Variants in MAF observed in about 807,000 individuals in gnomAD.
MAF encodes transcription factor Maf.
In MAF, 10 loss-of-function variants were observed where a neutral mutation model predicts 22.0. That is an observed-to-expected ratio of 0.45 (90% CI 0.28 to 0.77). MAF has a LOEUF of 0.77. Ranked by LOEUF, MAF falls within the 30% of genes least tolerant of loss-of-function variation. MAF has a pLI of 0.12. For synonymous variants in MAF, 337 were observed against 255.8 expected (o/e 1.32, Z -3.03); for missense variants, 544 against 548.4 (o/e 0.99, Z 0.08).
the MAF span, among the ~76,000 whole-genome samples, chr16:79,553,657 G>A: frequency 2.0e-5 from 3 of 152,198 alleles, no homozygotes; most frequent in Non-Finnish European, 2.9e-5. Flanking sequence ...GAAAGCCCAG[G>A]GGAAGGCTGG....
At chr16:79,515,971 T>C in the MAF span, 2 of 150,392 alleles carry the variant, frequency 1.3e-5, no homozygotes, top group Admixed American at 6.6e-5. Context: ...TTTTTTTTTT[T>C]TTTTTGCAGT....
the MAF span, among the ~76,000 whole-genome samples, chr16:79,458,109 A>AGTGTGTGTGTGTGGGT: frequency 1.5e-5 from 2 of 136,328 alleles, no homozygotes; most frequent in Non-Finnish European, 3.2e-5. Flanking sequence ...GGTATGTATA[A>AGTGTGTGTGTGTGGGT]GTGTGTGTGT....
At chr16:79,265,805 G>C in the MAF span, among the ~76,000 whole-genome samples, 1 of 152,158 alleles carries the variant, frequency 6.6e-6, no homozygotes, top group African/African-American at 2.4e-5. Flanking sequence ...CTGATTGCCA[G>C]CATCTCGACT....
At chr16:79,554,408 A>T in the MAF span, among the ~76,000 whole-genome samples, 1 of 152,218 alleles carries the variant, frequency 6.6e-6, no homozygotes, top group African/African-American at 2.4e-5. Flanking sequence ...CGTGGGCTAC[A>T]TCAGAGATGC....
the MAF span, among the ~76,000 whole-genome samples, chr16:79,465,372 C>A: frequency 6.6e-6 from 1 of 152,132 alleles, no homozygotes; most frequent in Non-Finnish European, 1.5e-5. Context: ...GCGGGCAGAT[C>A]GCTTGAGCCC....
At chr16:79,303,289 A>G in the MAF span, among the ~76,000 whole-genome samples, 2 of 152,224 alleles carry the variant, frequency 1.3e-5, no homozygotes, top group African/African-American at 4.8e-5. Flanking sequence ...CATGATAGAT[A>G]TGTTTTTAAT....
chr16:79,536,414 G>T, the MAF span, among the ~76,000 whole-genome samples: 1 of 152,170 alleles, frequency 6.6e-6, no homozygotes, highest in Non-Finnish European at 1.5e-5. Context: ...AGGCCGAGGT[G>T]GGCAGATCAC....
the MAF span, among the ~76,000 whole-genome samples, chr16:79,213,180 G>C: frequency 6.6e-6 from 1 of 152,166 alleles, no homozygotes; most frequent in East Asian, 1.9e-4. Context: ...TGCTTCTGCT[G>C]AAATACCAGG....
chr16:79,565,424 C>G, the MAF span, among the ~76,000 whole-genome samples: 1 of 152,166 alleles, frequency 6.6e-6, no homozygotes, highest in Non-Finnish European at 1.5e-5. Flanking sequence ...CCCTTACCTC[C>G]CTTTCACTCA....
At chr16:79,558,709 C>CT in the MAF span, among the ~76,000 whole-genome samples, 1 of 152,188 alleles carries the variant, frequency 6.6e-6, no homozygotes, top group Non-Finnish European at 1.5e-5. Context: ...TACTCCATGC[C>CT]TTTCTAAGCC....
At chr16:79,367,889 T>C in the MAF span, among the ~76,000 whole-genome samples, 1 of 152,198 alleles carries the variant, frequency 6.6e-6, no homozygotes, top group Non-Finnish European at 1.5e-5. Context: ...CTTTTGGTCC[T>C]TCAGATCTCA....
the MAF span, among the ~76,000 whole-genome samples, chr16:79,276,485 G>C: frequency 6.6e-6 from 1 of 152,172 alleles, no homozygotes; most frequent in African/African-American, 2.4e-5. Context: ...AGGAGCTTGG[G>C]AAAGCATCAA....
the MAF span, among the ~76,000 whole-genome samples, chr16:79,309,232 C>T: frequency 4.6e-4 from 70 of 152,246 alleles, no homozygotes; most frequent in Non-Finnish European, 8.8e-4. Context: ...CCTGTTAATT[C>T]GGAGACTGGC....
chr16:79,279,436 G>A, the MAF span, among the ~76,000 whole-genome samples: 3 of 152,318 alleles, frequency 2.0e-5, no homozygotes, highest in East Asian at 3.9e-4. Flanking sequence ...TCTGTTCCAT[G>A]AACGCACACT....
At chr16:79,277,110 T>A in the MAF span, among the ~76,000 whole-genome samples, 2 of 152,196 alleles carry the variant, frequency 1.3e-5, no homozygotes, top group Non-Finnish European at 2.9e-5. Context: ...CAATCATGGC[T>A]CACTGTAACC....
At chr16:79,263,003 C>T in the MAF span, among the ~76,000 whole-genome samples, 5 of 152,230 alleles carry the variant, frequency 3.3e-5, no homozygotes, top group African/African-American at 9.6e-5. Context: ...AGCAGGAATT[C>T]GGAGACAGTC....
chr16:79,473,402 C>A, the MAF span, among the ~76,000 whole-genome samples: 1 of 152,208 alleles, frequency 6.6e-6, no homozygotes, highest in East Asian at 1.9e-4. Flanking sequence ...GTGGGGCTAC[C>A]TCTGGGCCTC....
chr16:79,483,612 T>G, the MAF span, among the ~76,000 whole-genome samples: 11 of 151,964 alleles, frequency 7.2e-5, no homozygotes, highest in Non-Finnish European at 1.2e-4. Flanking sequence ...AGAATGAGAA[T>G]AAGTATGTCT....
the MAF span, among the ~76,000 whole-genome samples, chr16:79,379,408 A>G: frequency 6.6e-6 from 1 of 152,148 alleles, no homozygotes; most frequent in African/African-American, 2.4e-5. Context: ...TGAGTTGCCA[A>G]TGTGGAACTA....
Sources: allele counts gnomAD v4.1 joint callset (sites outside exome capture counted in the v4.1 genomes callset), GRCh38; gene constraint gnomAD v4.1.1; transcripts MANE v1.5; gene names NCBI Gene and HGNC (gene_info 2026-07-23, HGNC 2026-07-21).